TSHZ2: variants seen among roughly 807,000 people sequenced by gnomAD.
TSHZ2 encodes teashirt homolog 2.
TSHZ2 carries 21 observed loss-of-function variants against 74.4 expected under a neutral mutation model. The ratio of observed to expected loss-of-function variants is 0.28; its 90% CI spans 0.20 to 0.41. The LOEUF is 0.41. Ranked by LOEUF, TSHZ2 falls within the 10% of genes least tolerant of loss-of-function variation. TSHZ2 has a pLI of 1.00. For missense variants in TSHZ2, 1,244 were observed against 1,293.5 expected (o/e 0.96, Z 0.59); for synonymous variants, 540 against 515.3 (o/e 1.05, Z -0.65).
intron 2 of TSHZ2, among the ~76,000 whole-genome samples, chr20:53,302,147 G>A (rs189222187): frequency 1.3e-5 from 2 of 152,188 alleles, no homozygotes; most frequent in East Asian, 3.9e-4. Flanking sequence ...CTGCCATTCC[G>A]CTTGATATGA....
At chr20:53,466,337 GTT>G (rs982914789) in intron 2 of TSHZ2, among the ~76,000 whole-genome samples, 27 of 151,240 alleles carry the variant, frequency 1.8e-4, no homozygotes, top group African/African-American at 6.6e-4. Context: ...AGGGCATACC[GTT>G]CTTATTAAAT....
intron 1 of TSHZ2, among the ~76,000 whole-genome samples, chr20:53,244,453 T>C (rs994465195): frequency 5.3e-5 from 8 of 152,230 alleles, no homozygotes; most frequent in Non-Finnish European, 1.2e-4. Context: ...TTTGTGACTC[T>C]CTGGGTGTAA....
intron 2 of TSHZ2, among the ~76,000 whole-genome samples, chr20:53,413,507 C>T (rs1983127149): frequency 6.6e-6 from 1 of 152,138 alleles, no homozygotes. Context: ...TCGGGGAAGT[C>T]GCTTCACTTC....
rs939439076 is a variant in TSHZ2 at position 53,489,178 on chromosome 20, C to T, written c.*2043C>T. On this transcript the variant is annotated 3_prime_UTR_variant, in exon 3 of 3. Transcript: ENST00000371497. The stretch of plus-strand genomic sequence containing the variant: ...ATTTACTCATGGGCATAGGGAATAG[C>T]GGCTCAAATGTAGTTCTGACATGAA... 12 of 456,082 alleles carry T rather than the reference C, an allele frequency of 2.6e-5. No homozygotes were observed. Among genetic ancestry groups the T allele is most frequent in the East Asian group, 1.4e-4 (2 of 14,414 alleles). The allele number at this position is 456,082 out of a possible 1,614,324, so 28.3% of individuals were successfully genotyped here.
At chr20:52,983,110 A>T (rs1489959407) in intron 1 of TSHZ2, among the ~76,000 whole-genome samples, 1 of 152,182 alleles carries the variant, frequency 6.6e-6, no homozygotes. Context: ...TGGTGCTGTG[A>T]TGGATGACAT....
chr20:53,103,663 G>A (rs530229954), intron 1 of TSHZ2, among the ~76,000 whole-genome samples: 28 of 152,304 alleles, frequency 1.8e-4, no homozygotes, highest in African/African-American at 6.5e-4. Context: ...CCACAGGTAG[G>A]TTGACCTGAC....
chr20:53,475,648 T>C (rs1235222849), intron 2 of TSHZ2, among the ~76,000 whole-genome samples: 1 of 131,664 alleles, frequency 7.6e-6, no homozygotes, highest in Non-Finnish European at 1.6e-5. Context: ...AGGCAAGAAA[T>C]AACTAAAATC....
chr20:53,420,090 C>T (rs979546217), intron 2 of TSHZ2, among the ~76,000 whole-genome samples: 2 of 152,188 alleles, frequency 1.3e-5, no homozygotes, highest in African/African-American at 4.8e-5. Context: ...TACAGATGGA[C>T]GTAAATGCTG....
At chr20:53,023,022 C>G (rs1036940932) in intron 1 of TSHZ2, among the ~76,000 whole-genome samples, 2 of 152,134 alleles carry the variant, frequency 1.3e-5, no homozygotes, top group Non-Finnish European at 2.9e-5. Flanking sequence ...AGACTACCCC[C>G]CCACCCAGAT....
chr20:53,050,124 T>TATATATATATATAC (rs1409158633), intron 1 of TSHZ2, among the ~76,000 whole-genome samples: 1 of 107,236 alleles, frequency 9.3e-6, no homozygotes, highest in African/African-American at 6.4e-5. Flanking sequence ...TATATATATA[T>TATATATATATATAC]ACACATATAT....
chr20:52,997,025 C>G (rs1982223754), intron 1 of TSHZ2, among the ~76,000 whole-genome samples: 2 of 152,162 alleles, frequency 1.3e-5, no homozygotes, highest in Non-Finnish European at 2.9e-5. Context: ...GGGTGGCATG[C>G]AACCTTTGTT....
At chr20:53,269,797 T>TAAAAAAAAAA (rs55746415) in intron 2 of TSHZ2, among the ~76,000 whole-genome samples, 1 of 144,348 alleles carries the variant, frequency 6.9e-6, no homozygotes, top group Admixed American at 6.8e-5. Context: ...TAGAGTATAA[T>TAAAAAAAAAA]AAAAAAAAAA....
At chr20:53,358,329 CTT>C (rs57906027) in intron 2 of TSHZ2, among the ~76,000 whole-genome samples, 30,060 of 66,226 alleles carry the variant, frequency 0.45, 5,952 homozygotes, top group African/African-American at 0.53. Flanking sequence ...TTCTGTGGTT[CTT>C]TTTTTTTTTT....
intron 1 of TSHZ2, among the ~76,000 whole-genome samples, chr20:53,114,116 G>GA (rs1323480297): frequency 3.2e-4 from 47 of 145,308 alleles, no homozygotes; most frequent in African/African-American, 4.3e-4. Flanking sequence ...AAAAAAGAAA[G>GA]AAAAAAAAAA....
intron 2 of TSHZ2, among the ~76,000 whole-genome samples, chr20:53,427,780 G>C (rs1209614234): frequency 6.6e-6 from 1 of 152,182 alleles, no homozygotes; most frequent in Middle Eastern, 3.4e-3. Context: ...CCTTTCCATG[G>C]TCTTCTCCAG....
At chr20:53,076,208 T>TA (rs1321692116) in intron 1 of TSHZ2, among the ~76,000 whole-genome samples, 1 of 152,176 alleles carries the variant, frequency 6.6e-6, no homozygotes, top group Non-Finnish European at 1.5e-5. Flanking sequence ...GTTGAGCTCT[T>TA]ACAGTGATCC....
intron 1 of TSHZ2, among the ~76,000 whole-genome samples, chr20:52,984,870 G>A (rs1461076366): frequency 2.0e-5 from 3 of 152,170 alleles, no homozygotes; most frequent in South Asian, 2.1e-4. Flanking sequence ...AAAAAGAGGC[G>A]TCTACTGAAA....
chr20:53,000,432 G>A (rs991950785), intron 1 of TSHZ2, among the ~76,000 whole-genome samples: 1 of 152,112 alleles, frequency 6.6e-6, no homozygotes, highest in African/African-American at 2.4e-5. Flanking sequence ...GGTGGTAGAA[G>A]CATGAATTTT....
chr20:53,249,596 A>G (rs149299896), intron 1 of TSHZ2, among the ~76,000 whole-genome samples: 4 of 152,324 alleles, frequency 2.6e-5, no homozygotes, highest in African/African-American at 7.2e-5. Flanking sequence ...GGAACCTGCT[A>G]TGTGATGGTG....
Sources: gnomAD v4.1 joint callset for allele counts (sites outside exome capture counted in the v4.1 genomes callset) on GRCh38, gnomAD v4.1.1 for gene constraint, MANE v1.5 for transcripts, NCBI Gene and HGNC (gene_info 2026-07-23, HGNC 2026-07-21) for gene names.